EFHC1: variants seen among roughly 807,000 people sequenced by gnomAD.
EFHC1 encodes the protein EF-hand domain containing 1.
A neutral mutation model predicts 69.9 loss-of-function variants in EFHC1; 53 were observed. The observed-to-expected ratio is 0.76, with a 90% confidence interval of 0.61 to 0.95. The LOEUF (loss-of-function observed/expected upper bound fraction) is 0.95, where lower values mean the gene tolerates loss of function less well. Among genes scored for constraint, EFHC1 ranks in the 40% least tolerant of loss-of-function variants. The pLI, the probability that EFHC1 is intolerant of heterozygous loss-of-function variation, is 0.00. For synonymous variants in EFHC1, 256 were observed against 278.4 expected (o/e 0.92, Z 0.80); for missense variants, 739 against 798.7 (o/e 0.93, Z 0.90).
intron 2 of EFHC1, 46 bp downstream of exon 2, chr6:52,424,213 G>C: frequency 6.4e-7 from 1 of 1,569,830 alleles, no homozygotes; most frequent in South Asian, 1.1e-5. Context: ...GGGTCTGAGA[G>C]CCAACTGCTT....
intron 4 of EFHC1, 51 bp from the exon 5 acceptor site, chr6:52,454,044 T>G: frequency 1.2e-6 from 2 of 1,611,064 alleles, no homozygotes; most frequent in Non-Finnish European, 1.7e-6. Context: ...GTAGCCAAGT[T>G]GAACTCCCTA....
At position 52,454,258 on chromosome 6, in the gene EFHC1, G is replaced by A. The variant is rs115205076; in HGVS notation, c.887G>A (p.Arg296His). The change falls in exon 5 of 11, where the codon CGT (arginine) becomes CAT (histidine). Residue 296 changes from arginine to histidine, a missense_variant. Transcript: ENST00000371068. Reference protein sequence around the residue: ...DPFPLLMNRQRVPKVLVENAK... With the variant: ...DPFPLLMNRQHVPKVLVENAK... Reference sequence around the variant, plus strand: ...TTCCCACTCCTAATGAACCGCCAGCGTGTGCCCAAAGTTTTGGTGGAAAAT... The same window carrying A: ...TTCCCACTCCTAATGAACCGCCAGCATGTGCCCAAAGTTTTGGTGGAAAAT... 862 of 1,614,096 alleles carry A rather than the reference G, an allele frequency of 5.3e-4. 5 individuals are homozygous for A. The African/African-American group carries it at 9.9e-3, about 19-fold the overall frequency.
At chr6:52,429,575 A>AT (rs1764373866) in intron 2 of EFHC1, among the ~76,000 whole-genome samples, 1 of 152,140 alleles carries the variant, frequency 6.6e-6, no homozygotes, top group Non-Finnish European at 1.5e-5. Flanking sequence ...TACCAGTACC[A>AT]TGCTGTTTTG....
intron 5 of EFHC1, among the ~76,000 whole-genome samples, chr6:52,460,329 T>C (rs1430011033): frequency 6.6e-6 from 1 of 152,086 alleles, no homozygotes; most frequent in Non-Finnish European, 1.5e-5. Context: ...AAATACAATA[T>C]AAATAAGCAA....
intron 7 of EFHC1, among the ~76,000 whole-genome samples, 176 bp from the exon 8 acceptor site, chr6:52,478,861 A>G (rs1429095342): frequency 6.6e-6 from 1 of 152,218 alleles, no homozygotes. Flanking sequence ...AGCTTCCCTT[A>G]GATGAGGCAT....
At chr6:52,438,685 T>C in intron 3 of EFHC1, 94 bp downstream of exon 3, 1 of 1,340,076 alleles carries the variant, frequency 7.5e-7, no homozygotes, top group Non-Finnish European at 1.1e-6. Flanking sequence ...GGGAGGACAT[T>C]GGTAATCTGT....
At chr6:52,424,828 G>A (rs1764269851) in intron 2 of EFHC1, among the ~76,000 whole-genome samples, 2 of 152,164 alleles carry the variant, frequency 1.3e-5, no homozygotes, top group Non-Finnish European at 2.9e-5. Flanking sequence ...AATCACTGGC[G>A]AGATTTTTAA....
chr6:52,482,069 G>C (rs771410920), intron 9 of EFHC1: 1 of 152,142 alleles, frequency 6.6e-6, no homozygotes, highest in African/African-American at 2.4e-5. Context: ...ACTGCCAGGC[G>C]CGGTGGCTCA....
In EFHC1 at chr6:52,479,026, C is replaced by T; in HGVS notation, c.1279-11C>T. The T allele has an allele frequency of 1.2e-6, 2 of 1,612,236 alleles. No homozygotes were observed. Among genetic ancestry groups the T allele is most frequent in the Non-Finnish European group, 1.7e-6 (2 of 1,179,426 alleles). On this transcript the variant is annotated splice_polypyrimidine_tract_variant and intron_variant, in intron 7 of 10. Transcript: ENST00000371068. ...AACCTTCATAATATCCTCTTTTCTT[C>T]ACCTTTGTAGGAATCCCCCATCCCA...
At chr6:52,469,500 A>T (rs768968811) in intron 7 of EFHC1, 27 bp downstream of exon 7, 2 of 1,612,310 alleles carry the variant, frequency 1.2e-6, no homozygotes, top group South Asian at 1.1e-5. Context: ...TATACTAAAG[A>T]TTCTCTTCTA....
intron 2 of EFHC1, chr6:52,437,679 G>A (rs549068719): frequency 6.5e-6 from 1 of 152,788 alleles, no homozygotes; most frequent in Admixed American, 6.5e-5. Context: ...CCTTACCTTG[G>A]TGTGTACATG....
rs924656312 is a variant in EFHC1 at position 52,432,189 on chromosome 6, A to C, written c.286-6115A>C. On this transcript the variant is annotated intron_variant, in intron 2 of 10. Transcript: ENST00000371068. Reference sequence around the variant, plus strand: ...TAATTGGAGCATTTAGGCTATTTACATTCAACATTAGTATTAAGATGTGAG... The same window carrying C: ...TAATTGGAGCATTTAGGCTATTTACCTTCAACATTAGTATTAAGATGTGAG... Among the ~76,000 whole-genome samples, 5 of 152,188 alleles carry C rather than the reference A, an allele frequency of 3.3e-5. No individual in the cohort carries two copies. The East Asian group carries it at 9.6e-4, about 29-fold the overall frequency.
intron 10 of EFHC1, chr6:52,490,609 C>T: frequency 3.4e-6 from 2 of 593,036 alleles, no homozygotes; most frequent in Non-Finnish European, 6.0e-6. Flanking sequence ...CATGTCAGGA[C>T]TGAAGAAGGG....
chr6:52,491,461 G>A (rs55953467), intron 10 of EFHC1, among the ~76,000 whole-genome samples: 12,543 of 152,254 alleles, frequency 0.082, 1,110 homozygotes, highest in African/African-American at 0.22. Context: ...GTGGTAGCAA[G>A]AGCCTGCTAT....
At chr6:52,453,254 G>GT (rs1430542188) in intron 4 of EFHC1, 1 of 1,288,556 alleles carries the variant, frequency 7.8e-7, no homozygotes, top group Non-Finnish European at 1.0e-6. Context: ...ATGTTAAAAT[G>GT]TTTAATTTCA....
chr6:52,473,491 G>T (rs983338092), intron 7 of EFHC1, among the ~76,000 whole-genome samples: 10 of 152,052 alleles, frequency 6.6e-5, no homozygotes, highest in African/African-American at 2.4e-4. Context: ...TTTTAAAAAT[G>T]GATAAATGAC....
At chr6:52,473,943 T>G (rs143647608) in intron 7 of EFHC1, among the ~76,000 whole-genome samples, 15 of 152,096 alleles carry the variant, frequency 9.9e-5, no homozygotes, top group Non-Finnish European at 1.8e-4. Context: ...TCAGAATATA[T>G]AAAGAACACT....
intron 3 of EFHC1, among the ~76,000 whole-genome samples, chr6:52,447,316 C>T (rs1173660122): frequency 6.6e-6 from 1 of 152,170 alleles, no homozygotes; most frequent in Non-Finnish European, 1.5e-5. Context: ...TTCATTTGAT[C>T]TTCAATCACT....
chr6:52,480,298 G>A (rs1765647351), intron 9 of EFHC1, among the ~76,000 whole-genome samples: 1 of 152,200 alleles, frequency 6.6e-6, no homozygotes, highest in Non-Finnish European at 1.5e-5. Context: ...AGTAGGCTGA[G>A]AAGGATGGGT....
Sources: gnomAD v4.1 joint callset for allele counts (sites outside exome capture counted in the v4.1 genomes callset) on GRCh38, gnomAD v4.1.1 for gene constraint, MANE v1.5 for transcripts, NCBI Gene and HGNC (gene_info 2026-07-23, HGNC 2026-07-21) for gene names.